Variants in ASIC2 observed in about 807,000 individuals in gnomAD.
ASIC2 encodes acid-sensing ion channel 2.
ASIC2 carries 25 observed loss-of-function variants against 57.3 expected under a neutral mutation model. The observed-to-expected ratio is 0.44, with a 90% CI of 0.32 to 0.61. ASIC2 has a LOEUF of 0.61. ASIC2 is among the 20% of genes least tolerant of loss of function. ASIC2 has a pLI of 0.06. For synonymous variants in ASIC2, 319 were observed against 307.5 expected, an observed-to-expected ratio of 1.04 and a Z score of -0.39; for missense variants, 641 against 738.1, an observed-to-expected ratio of 0.87 and a Z score of 1.52.
intron 1 of ASIC2, among the ~76,000 whole-genome samples, chr17:33,406,768 G>A (rs1910489585): frequency 6.6e-6 from 1 of 152,196 alleles, no homozygotes; most frequent in Non-Finnish European, 1.5e-5. Flanking sequence ...CCATAAAGAT[G>A]TGGAAGGTAT....
chr17:33,874,408 T>C (rs1914501498), intron 1 of ASIC2, among the ~76,000 whole-genome samples: 1 of 152,264 alleles, frequency 6.6e-6, no homozygotes, highest in Non-Finnish European at 1.5e-5. Context: ...TATACTTATA[T>C]TAACAATTAT....
chr17:34,027,559 G>A (rs1163094386), intron 1 of ASIC2, among the ~76,000 whole-genome samples: 2 of 152,224 alleles, frequency 1.3e-5, no homozygotes, highest in African/African-American at 4.8e-5. Context: ...GCCCTAAGAA[G>A]TAGTTGCATA....
Position 33,576,517 on chromosome 17 carries a change from A to T in ASIC2, c.556-464450T>A, listed in dbSNP as rs117623217. Among the ~76,000 whole-genome samples the T allele has an allele frequency of 1.9e-3, 287 of 152,254 alleles. 7 individuals are homozygous for T. In the East Asian group the frequency reaches 0.048, roughly 26 times the overall value. ...AAAATCAGAACAGCATAGATAGTACAAGTTCTAGAGCCAGATTGCCTCTCT... is the reference window on the plus strand; with the variant it reads ...AAAATCAGAACAGCATAGATAGTACTAGTTCTAGAGCCAGATTGCCTCTCT... On this transcript the variant is annotated intron_variant, in intron 1 of 9. Transcript: ENST00000359872.
intron 1 of ASIC2, among the ~76,000 whole-genome samples, chr17:34,137,567 T>A (rs1160382341): frequency 1.3e-5 from 2 of 152,226 alleles, no homozygotes; most frequent in African/African-American, 4.8e-5. Context: ...CAGTCTTCTT[T>A]GTGTCCGTTG....
intron 1 of ASIC2, among the ~76,000 whole-genome samples, chr17:33,698,207 G>A (rs535850303): frequency 6.6e-6 from 1 of 152,156 alleles, no homozygotes; most frequent in African/African-American, 2.4e-5. Context: ...CATTAGGAAT[G>A]AATCCCTATA....
chr17:33,600,692 T>C (rs1034350088), intron 1 of ASIC2, among the ~76,000 whole-genome samples: 6 of 152,298 alleles, frequency 3.9e-5, no homozygotes, highest in South Asian at 2.1e-4. Flanking sequence ...TACCACATGC[T>C]TAGTGTTCCA....
intron 1 of ASIC2, among the ~76,000 whole-genome samples, chr17:33,492,338 C>T (rs563350006): frequency 2.0e-5 from 3 of 152,270 alleles, no homozygotes; most frequent in South Asian, 2.1e-4. Context: ...AGTTGTGGTG[C>T]CTTCATCAAG....
At chr17:33,194,071 G>C (rs1049889630) in intron 1 of ASIC2, among the ~76,000 whole-genome samples, 3 of 152,162 alleles carry the variant, frequency 2.0e-5, no homozygotes, top group African/African-American at 7.2e-5. Flanking sequence ...CTGGGCACCA[G>C]CCTCCAGGGA....
chr17:33,759,146 C>A (rs1910702098), intron 1 of ASIC2, among the ~76,000 whole-genome samples: 1 of 152,110 alleles, frequency 6.6e-6, no homozygotes. Flanking sequence ...ACAGTAAAGA[C>A]CATTCAAATG....
At chr17:33,524,297 G>T (rs1234889087) in intron 1 of ASIC2, among the ~76,000 whole-genome samples, 1 of 152,128 alleles carries the variant, frequency 6.6e-6, no homozygotes, top group Admixed American at 6.6e-5. Context: ...CCAGTACATC[G>T]TCAGGGTAAG....
chr17:33,157,809 C>T (rs1477035807), intron 1 of ASIC2, among the ~76,000 whole-genome samples: 1 of 152,252 alleles, frequency 6.6e-6, no homozygotes, highest in Admixed American at 6.5e-5. Context: ...ACTGCCCTCC[C>T]ATGGCTTCCA....
chr17:34,044,090 T>C (rs920652832), intron 1 of ASIC2, among the ~76,000 whole-genome samples: 4 of 147,374 alleles, frequency 2.7e-5, no homozygotes, highest in African/African-American at 1.0e-4. Context: ...AAGTGGGCCA[T>C]ACCCTTGAAT....
rs771006823 is a variant in ASIC2, at chr17:33,035,604, G to A, written c.988-7212C>T. ...GGTTTAGCCCCTGGTCTTGGGAAGC[G>A]ATCTTAACTCCTAAGGAACAACACT... On this transcript the variant is annotated intron_variant, in intron 3 of 9. Coordinates refer to ENST00000225823, the MANE Select transcript of ASIC2 (RefSeq NM_183377.2). Among the ~76,000 whole-genome samples, 13 of 152,160 alleles carry A rather than the reference G, an allele frequency of 8.5e-5. 1 individual carries two copies. The highest frequency in any genetic ancestry group is 5.2e-4 in the Admixed American group (8 of 15,282).
At chr17:33,645,794 CTGAT>C (rs1906720827) in intron 1 of ASIC2, among the ~76,000 whole-genome samples, 2 of 152,252 alleles carry the variant, frequency 1.3e-5, no homozygotes, top group African/African-American at 2.4e-5. Context: ...ATTCTAATCT[CTGAT>C]TGTCAAAATA....
intron 1 of ASIC2, among the ~76,000 whole-genome samples, chr17:33,667,042 G>A (rs1907497750): frequency 6.6e-6 from 1 of 152,096 alleles, no homozygotes; most frequent in African/African-American, 2.4e-5. Flanking sequence ...CCTTGTTATG[G>A]CTTAAACAGG....
At chr17:33,696,004 C>T (rs2142066403) in intron 1 of ASIC2, among the ~76,000 whole-genome samples, 1 of 152,260 alleles carries the variant, frequency 6.6e-6, no homozygotes, top group Admixed American at 6.5e-5. Flanking sequence ...GGATCTAGTG[C>T]ATTCATTTTA....
intron 1 of ASIC2, among the ~76,000 whole-genome samples, chr17:33,887,478 A>G (rs1329011375): frequency 6.6e-6 from 1 of 152,094 alleles, no homozygotes; most frequent in Non-Finnish European, 1.5e-5. Context: ...TGTGAACAGG[A>G]GCTTACTGTG....
chr17:33,111,896 C>G (rs375913197), intron 2 of ASIC2, 21 bp downstream of exon 2: 7 of 1,599,908 alleles, frequency 4.4e-6, no homozygotes, highest in Admixed American at 1.7e-5. Context: ...ACCCAATGCC[C>G]GGTCCCTGTG....
intron 1 of ASIC2, among the ~76,000 whole-genome samples, chr17:33,812,483 G>A (rs1044253938): frequency 1.3e-5 from 2 of 152,140 alleles, no homozygotes; most frequent in African/African-American, 4.8e-5. Context: ...GGAGGCCAGA[G>A]GGAAATTGTG....
Sources: allele counts gnomAD v4.1 joint callset (sites outside exome capture counted in the v4.1 genomes callset), GRCh38; gene constraint gnomAD v4.1.1; transcripts MANE v1.5; gene names NCBI Gene and HGNC (gene_info 2026-07-23, HGNC 2026-07-21).